CSMD1: variants seen among roughly 807,000 people sequenced by gnomAD.
The protein encoded by CSMD1 is CUB and sushi domain-containing protein 1.
Under a neutral mutation model 417.5 loss-of-function variants are expected in CSMD1, and 213 were observed. The observed-to-expected ratio is 0.51, with a 90% CI of 0.46 to 0.57. The LOEUF is 0.57. Ranked by LOEUF, CSMD1 falls within the 20% of genes least tolerant of loss-of-function variation. The pLI is 0.00. For missense variants in CSMD1, 6,923 were observed against 4,529.7 expected, an observed-to-expected ratio of 1.53 and a Z score of -15.17; for synonymous variants, 2,862 against 1,736.8, an observed-to-expected ratio of 1.65 and a Z score of -16.11.
chr8:3,829,036 G>C (rs910181224), intron 5 of CSMD1, among the ~76,000 whole-genome samples: 2 of 149,840 alleles, frequency 1.3e-5, no homozygotes, highest in Non-Finnish European at 3.0e-5. Flanking sequence ...TTAAAAAAAT[G>C]TATTTTTCCG....
At chr8:3,540,361 C>T (rs1031967211) in intron 10 of CSMD1, among the ~76,000 whole-genome samples, 4 of 152,082 alleles carry the variant, frequency 2.6e-5, no homozygotes, top group Admixed American at 2.0e-4. Context: ...TACAGAATCT[C>T]CTTTAAAATC....
At chr8:4,851,631 A>T (rs1318833587) in intron 1 of CSMD1, among the ~76,000 whole-genome samples, 1 of 152,024 alleles carries the variant, frequency 6.6e-6, no homozygotes, top group Admixed American at 6.6e-5. Flanking sequence ...ATAATAATCT[A>T]TGGGATTACC....
rs763375040 is a variant in CSMD1 at position 4,480,187 on chromosome 8, C to CAAAA, written c.303-60126_303-60123dup. Among the ~76,000 whole-genome samples the CAAAA allele has an allele frequency of 4.4e-3, 453 of 103,752 alleles. 4 individuals are homozygous for CAAAA. The highest frequency in any genetic ancestry group is 0.014 in the African/African-American group (434 of 31,048). The allele number at this position is 103,752 out of a possible 152,430, so 68.1% of individuals were successfully genotyped here. On this transcript the variant is annotated intron_variant, in intron 2 of 69. Coordinates refer to ENST00000635120, the MANE Select transcript of CSMD1 (RefSeq NM_033225.6). ...ACCACGAGAGTGCATTGTTATCTCA[C>CAAAA]AAAAAAAAAAAAACAAAAAAAAACC...
Position 4,027,981 on chromosome 8 carries a change from T to C in CSMD1, c.610+3924A>G, listed in dbSNP as rs1384334824. Reference sequence around the variant, plus strand: ...ATATTTAGGATGCCCAATGGCACTCTCTTAAGTGAGATCAATTAATTGAGA... The same window carrying C: ...ATATTTAGGATGCCCAATGGCACTCCCTTAAGTGAGATCAATTAATTGAGA... On this transcript the variant is annotated intron_variant, in intron 4 of 69. Transcript: ENST00000635120. 2.0e-5 allele frequency among the ~76,000 whole-genome samples: 3 copies of C among 152,188 alleles called. No individual in the cohort carries two copies. In the East Asian group the frequency reaches 5.8e-4, roughly 29 times the overall value.
chr8:4,149,128 T>A lies in CSMD1; in HGVS notation c.416-117029A>T, dbSNP rs573580213. Among the ~76,000 whole-genome samples the A allele has an allele frequency of 2.6e-5, 4 of 152,166 alleles. No homozygotes were observed. The South Asian group carries it at 8.3e-4, about 32-fold the overall frequency. Reference sequence around the variant, plus strand: ...ACAGGCGTGTACCACCACACCCAGCTAATTTTTCTATTTTTAGTAGAGACA... The same window carrying A: ...ACAGGCGTGTACCACCACACCCAGCAAATTTTTCTATTTTTAGTAGAGACA... On this transcript the variant is annotated intron_variant, in intron 3 of 69. Coordinates refer to ENST00000635120, the MANE Select transcript of CSMD1 (RefSeq NM_033225.6).
chr8:4,435,232 A>G (rs1798086588), intron 2 of CSMD1, among the ~76,000 whole-genome samples: 1 of 152,152 alleles, frequency 6.6e-6, no homozygotes, highest in South Asian at 2.1e-4. Flanking sequence ...GGAAAATTAA[A>G]CCTTGAAAAA....
At chr8:3,303,297 G>A (rs888940585) in intron 25 of CSMD1, among the ~76,000 whole-genome samples, 1 of 152,092 alleles carries the variant, frequency 6.6e-6, no homozygotes, top group Non-Finnish European at 1.5e-5. Context: ...CTGGAAGGTT[G>A]ATCAGAAATG....
At chr8:4,974,622 G>C (rs1158965423) in intron 1 of CSMD1, among the ~76,000 whole-genome samples, 2 of 152,110 alleles carry the variant, frequency 1.3e-5, no homozygotes, top group Non-Finnish European at 2.9e-5. Context: ...TTAAAATTCT[G>C]TATATAATAG....
At chr8:4,447,858 AAGT>A (rs1798905117) in intron 2 of CSMD1, among the ~76,000 whole-genome samples, 1 of 152,228 alleles carries the variant, frequency 6.6e-6, no homozygotes, top group Admixed American at 6.5e-5. Context: ...AAAAAAGTGT[AAGT>A]AGAGGAGGCT....
At chr8:4,769,531 G>C (rs1430592349) in intron 1 of CSMD1, among the ~76,000 whole-genome samples, 1 of 152,082 alleles carries the variant, frequency 6.6e-6, no homozygotes, top group Non-Finnish European at 1.5e-5. Context: ...ATTTTCTTTT[G>C]AAGTAAAAAT....
chr8:4,608,887 T>C (rs1249461482), intron 2 of CSMD1, among the ~76,000 whole-genome samples: 1 of 152,174 alleles, frequency 6.6e-6, no homozygotes, highest in Admixed American at 6.5e-5. Context: ...TTTGTTCTTT[T>C]AAAATTAACA....
In CSMD1 at chr8:4,104,342, G is replaced by C. The variant is rs1035468214; in HGVS notation, c.416-72243C>G. Among the ~76,000 whole-genome samples the C allele has an allele frequency of 6.6e-5, 10 of 152,308 alleles. No homozygotes were observed. The East Asian group carries it at 1.5e-3, about 24-fold the overall frequency. ...CCACATGAGTGCTTAGAACACAAAA[G>C]GCATTAAGACTGCACACTGTGAAAA... On this transcript the variant is annotated intron_variant, in intron 3 of 69. Transcript: ENST00000635120.
chr8:4,176,494 T>G (rs962651944), intron 3 of CSMD1, among the ~76,000 whole-genome samples: 1 of 152,126 alleles, frequency 6.6e-6, no homozygotes, highest in African/African-American at 2.4e-5. Context: ...CCTCACTCAC[T>G]ACTGGTTCTA....
chr8:3,328,703 G>C (rs1204832633), intron 23 of CSMD1, among the ~76,000 whole-genome samples: 1 of 152,122 alleles, frequency 6.6e-6, no homozygotes, highest in Non-Finnish European at 1.5e-5. Context: ...CAGAGGATGA[G>C]GTTCATGTGA....
intron 52 of CSMD1, among the ~76,000 whole-genome samples, chr8:3,004,059 G>C (rs759937965): frequency 6.6e-6 from 1 of 152,110 alleles, no homozygotes; most frequent in Non-Finnish European, 1.5e-5. Context: ...CAGTAGCAAA[G>C]GAGGATAAGC....
chr8:3,404,833 C>A (rs1812249402), intron 15 of CSMD1, among the ~76,000 whole-genome samples: 2 of 152,022 alleles, frequency 1.3e-5, no homozygotes, highest in African/African-American at 4.8e-5. Context: ...AGCTTATGAT[C>A]TTTGTATTGA....
At chr8:3,866,872 G>C (rs957085747) in intron 5 of CSMD1, among the ~76,000 whole-genome samples, 4 of 152,120 alleles carry the variant, frequency 2.6e-5, no homozygotes. Flanking sequence ...CTCCAGTTCT[G>C]CTGCAAATCC....
rs112991913 is a variant in CSMD1, at chr8:3,792,669, G to C, written c.819-38627C>G. Among the ~76,000 whole-genome samples the C allele has an allele frequency of 2.7e-3, 405 of 152,252 alleles. 7 individuals carry two copies. Among genetic ancestry groups the C allele is most frequent in the African/African-American group, 9.2e-3 (382 of 41,550 alleles). On this transcript the variant is annotated intron_variant, in intron 5 of 69. Coordinates refer to ENST00000635120, the MANE Select transcript of CSMD1 (RefSeq NM_033225.6). ...TTGCCATGTTACAGAAAACAAAACA[G>C]AGACCGCAATCATGAAATCTTTTCT...
At chr8:3,990,676 G>T (rs947503200) in intron 5 of CSMD1, among the ~76,000 whole-genome samples, 2 of 152,172 alleles carry the variant, frequency 1.3e-5, no homozygotes, top group Non-Finnish European at 2.9e-5. Context: ...GCTATTTCTA[G>T]AATTTGTGAA....
Sources: allele counts gnomAD v4.1 joint callset (sites outside exome capture counted in the v4.1 genomes callset), GRCh38; gene constraint gnomAD v4.1.1; transcripts MANE v1.5; gene names NCBI Gene and HGNC (gene_info 2026-07-23, HGNC 2026-07-21).